LOC128706665: variants seen among roughly 807,000 people sequenced by gnomAD.
the LOC128706665 span, among the ~76,000 whole-genome samples, chr20:10,420,237 T>C: frequency 6.6e-6 from 1 of 152,210 alleles, no homozygotes; most frequent in Non-Finnish European, 1.5e-5. Context: ...TTGTGATATG[T>C]AATGGTAAGG....
the LOC128706665 span, chr20:10,413,951 AC>A: frequency 2.7e-5 from 11 of 404,868 alleles, no homozygotes; most frequent in South Asian, 1.2e-4. Context: ...AATAAAAAAA[AC>A]ATTTTAGAGA....
the LOC128706665 span, among the ~76,000 whole-genome samples, chr20:10,421,711 C>A: frequency 7.2e-5 from 11 of 152,066 alleles, no homozygotes; most frequent in East Asian, 1.9e-3. Context: ...GGGTTATCGA[C>A]CTAGTTTAGA....
the LOC128706665 span, among the ~76,000 whole-genome samples, chr20:10,430,628 A>C: frequency 6.6e-6 from 1 of 152,198 alleles, no homozygotes; most frequent in Non-Finnish European, 1.5e-5. Context: ...ACCCAGTCTC[A>C]ACAGAGAGGT....
the LOC128706665 span, among the ~76,000 whole-genome samples, chr20:10,416,028 T>C: frequency 6.6e-6 from 1 of 152,094 alleles, no homozygotes; most frequent in Non-Finnish European, 1.5e-5. Context: ...ATAGAACATG[T>C]TTGGAAGTAT....
the LOC128706665 span, among the ~76,000 whole-genome samples, chr20:10,429,099 C>T: frequency 3.3e-5 from 5 of 152,284 alleles, no homozygotes; most frequent in East Asian, 9.7e-4. Flanking sequence ...CAGTACTACA[C>T]AATCTCTTTC....
chr20:10,433,540 C>T, the LOC128706665 span, among the ~76,000 whole-genome samples: 1 of 152,144 alleles, frequency 6.6e-6, no homozygotes, highest in Non-Finnish European at 1.5e-5. Flanking sequence ...TCTGAAACGG[C>T]AACAGGATTT....
chr20:10,433,173 T>G, the LOC128706665 span, among the ~76,000 whole-genome samples: 1 of 152,256 alleles, frequency 6.6e-6, no homozygotes, highest in South Asian at 2.1e-4. Context: ...CCGGCTCATT[T>G]TTTTGTACTT....
At chr20:10,427,053 C>T in the LOC128706665 span, among the ~76,000 whole-genome samples, 2 of 138,726 alleles carry the variant, frequency 1.4e-5, no homozygotes, top group Non-Finnish European at 3.3e-5. Context: ...CACACACACA[C>T]ACACACACAC....
chr20:10,432,728 G>C, the LOC128706665 span, among the ~76,000 whole-genome samples: 98 of 142,810 alleles, frequency 6.9e-4, no homozygotes, highest in Non-Finnish European at 1.3e-3. Context: ...CCCGGGAGGC[G>C]GAGGTTGCAC....
At chr20:10,420,435 T>G in the LOC128706665 span, 1 of 152,216 alleles carries the variant, frequency 6.6e-6, no homozygotes, top group Non-Finnish European at 1.5e-5. Flanking sequence ...AACTTACCAA[T>G]TTAGGCTTTT....
the LOC128706665 span, among the ~76,000 whole-genome samples, chr20:10,422,261 G>A: frequency 6.6e-6 from 1 of 152,010 alleles, no homozygotes; most frequent in East Asian, 1.9e-4. Context: ...AACACGACCT[G>A]CTTTGTAAAT....
chr20:10,423,003 GC>G, the LOC128706665 span, among the ~76,000 whole-genome samples: 1 of 151,954 alleles, frequency 6.6e-6, no homozygotes, highest in African/African-American at 2.4e-5. Flanking sequence ...GAGCCACTGC[GC>G]CCGGCCCTTC....
the LOC128706665 span, among the ~76,000 whole-genome samples, chr20:10,415,138 TTAA>T: frequency 3.3e-5 from 5 of 152,204 alleles, no homozygotes; most frequent in African/African-American, 1.2e-4. Flanking sequence ...TCCTGACACA[TTAA>T]TAATAATGTG....
chr20:10,430,568 G>A, the LOC128706665 span, among the ~76,000 whole-genome samples: 1 of 152,208 alleles, frequency 6.6e-6, no homozygotes, highest in African/African-American at 2.4e-5. Context: ...CCCCATAAAG[G>A]AAGGCCCACT....
chr20:10,420,408 C>A, the LOC128706665 span: 1 of 152,238 alleles, frequency 6.6e-6, no homozygotes, highest in East Asian at 1.9e-4. Flanking sequence ...CAGTGGGTCA[C>A]AATAAAAACA....
the LOC128706665 span, among the ~76,000 whole-genome samples, chr20:10,415,666 A>T: frequency 6.6e-6 from 1 of 152,242 alleles, no homozygotes; most frequent in Non-Finnish European, 1.5e-5. Flanking sequence ...TGACTTCTAT[A>T]TGTTAATTTG....
the LOC128706665 span, chr20:10,413,844 G>T: frequency 4.5e-6 from 2 of 447,670 alleles, no homozygotes; most frequent in Non-Finnish European, 3.9e-6. Flanking sequence ...AGATATCCCA[G>T]CTACAAGAAG....
At chr20:10,420,053 G>T in the LOC128706665 span, among the ~76,000 whole-genome samples, 1 of 151,994 alleles carries the variant, frequency 6.6e-6, no homozygotes, top group African/African-American at 2.4e-5. Context: ...ATGGATAAGG[G>T]ACTATAGACC....
chr20:10,426,488 A>G, the LOC128706665 span, among the ~76,000 whole-genome samples: 21,757 of 151,890 alleles, frequency 0.14, 1,744 homozygotes, highest in East Asian at 0.24. Context: ...TCACCTCCGC[A>G]TGCCAGATTT....
Sources: gnomAD v4.1 joint callset for allele counts (sites outside exome capture counted in the v4.1 genomes callset) on GRCh38, gnomAD v4.1.1 for gene constraint, MANE v1.5 for transcripts.